The following TENM4 variants were observed in gnomAD, a reference collection of about 807,000 sequenced individuals.
The protein encoded by TENM4 is teneurin transmembrane protein 4.
A neutral mutation model predicts 243.3 loss-of-function variants in TENM4; 82 were observed. That is an observed-to-expected ratio of 0.34 (90% CI 0.28 to 0.40). The LOEUF (loss-of-function observed/expected upper bound fraction) is 0.40. Ranked by LOEUF, TENM4 falls within the 10% of genes least tolerant of loss-of-function variation. The pLI is 1.00. For missense variants in TENM4, 3,138 were observed against 3,673.3 expected, an observed-to-expected ratio of 0.85 and a Z score of 3.77; for synonymous variants, 1,412 against 1,456.3, an observed-to-expected ratio of 0.97 and a Z score of 0.69.
chr11:78,921,544 G>C (rs1397206953), intron 6 of TENM4, among the ~76,000 whole-genome samples: 2 of 152,226 alleles, frequency 1.3e-5, no homozygotes, highest in Non-Finnish European at 2.9e-5. Context: ...TATTTGCCGT[G>C]TATGAGCCTG....
At chr11:78,859,420 G>C (rs1049007105) in intron 10 of TENM4, among the ~76,000 whole-genome samples, 3 of 152,216 alleles carry the variant, frequency 2.0e-5, no homozygotes, top group Non-Finnish European at 2.9e-5. Context: ...ATAGTCCTTT[G>C]CTTTGTAAAG....
intron 20 of TENM4, among the ~76,000 whole-genome samples, chr11:78,733,999 G>A (rs1173227927): frequency 6.6e-6 from 1 of 152,120 alleles, no homozygotes; most frequent in Non-Finnish European, 1.5e-5. Context: ...GACCAGCCTG[G>A]TCAACATGCT....
intron 6 of TENM4, among the ~76,000 whole-genome samples, chr11:79,013,152 G>A (rs1041185341): frequency 1.3e-5 from 2 of 152,176 alleles, no homozygotes; most frequent in African/African-American, 2.4e-5. Flanking sequence ...TTCGGGAAAT[G>A]GCAACATTCA....
At chr11:78,996,805 G>A (rs1187850469) in intron 6 of TENM4, among the ~76,000 whole-genome samples, 1 of 152,226 alleles carries the variant, frequency 6.6e-6, no homozygotes, top group Non-Finnish European at 1.5e-5. Context: ...TTAAGGGTTT[G>A]CAGCTTTGGG....
intron 7 of TENM4, among the ~76,000 whole-genome samples, chr11:78,901,580 T>C (rs900867032): frequency 1.3e-5 from 2 of 152,058 alleles, no homozygotes; most frequent in Non-Finnish European, 2.9e-5. Flanking sequence ...TGATCCTAAG[T>C]GGGAAAGATG....
intron 6 of TENM4, among the ~76,000 whole-genome samples, chr11:78,933,352 G>A (rs1237985460): frequency 6.6e-6 from 1 of 152,152 alleles, no homozygotes; most frequent in Non-Finnish European, 1.5e-5. Context: ...TACAACACAC[G>A]TGAAGGAGTG....
intron 2 of TENM4, among the ~76,000 whole-genome samples, chr11:79,290,994 C>T (rs1033704886): frequency 2.0e-5 from 3 of 152,270 alleles, no homozygotes; most frequent in Non-Finnish European, 2.9e-5. Context: ...TATCTGCCTC[C>T]TGAAGAGACA....
In TENM4 at chr11:79,187,679, C is replaced by T. The variant is rs181448261; in HGVS notation, c.-163+28129G>A. Among the ~76,000 whole-genome samples, 535 of 152,278 alleles carry T rather than the reference C, an allele frequency of 3.5e-3. 4 individuals are homozygous for T. The highest frequency in any genetic ancestry group is 0.012 in the African/African-American group (513 of 41,548). On this transcript the variant is annotated intron_variant, in intron 3 of 33. Transcript: ENST00000278550. ...CTCAGAATCTGATTGTATTTGGAGA[C>T]AGGGCCTTAAAAAAGTTAATTAAGG...
intron 1 of TENM4, among the ~76,000 whole-genome samples, chr11:79,397,208 G>A (rs959287436): frequency 6.6e-6 from 1 of 152,212 alleles, no homozygotes; most frequent in East Asian, 1.9e-4. Flanking sequence ...ATTCATGGTA[G>A]CCCACTATGT....
At chr11:78,743,721 CT>C (rs1855983251) in intron 19 of TENM4, among the ~76,000 whole-genome samples, 1 of 152,106 alleles carries the variant, frequency 6.6e-6, no homozygotes, top group Non-Finnish European at 1.5e-5. Context: ...ATCTGAAAAA[CT>C]TTGAAAAAGA....
chr11:79,054,589 C>G (rs1383786117), intron 6 of TENM4, among the ~76,000 whole-genome samples: 2 of 151,744 alleles, frequency 1.3e-5, no homozygotes, highest in Non-Finnish European at 2.9e-5. Flanking sequence ...GCCTCGATCA[C>G]CCAGGCCCCT....
At chr11:79,364,809 T>C (rs1857648738) in intron 1 of TENM4, among the ~76,000 whole-genome samples, 1 of 152,224 alleles carries the variant, frequency 6.6e-6, no homozygotes, top group Admixed American at 6.5e-5. Context: ...ACTGTACTAA[T>C]TGTCCTACAT....
chr11:78,701,453 C>T (rs57796272), intron 28 of TENM4, 73 bp downstream of exon 28: 18 of 1,459,028 alleles, frequency 1.2e-5, no homozygotes, highest in South Asian at 1.0e-4. Context: ...ATAAAATACT[C>T]GATCAATTTA....
intron 4 of TENM4, among the ~76,000 whole-genome samples, chr11:79,092,186 C>G (rs1184294217): frequency 6.6e-6 from 1 of 152,164 alleles, no homozygotes; most frequent in Admixed American, 6.5e-5. Context: ...ACTGGGGATG[C>G]AGATGGGATT....
At chr11:78,973,252 ATTGT>A (rs1342734676) in intron 6 of TENM4, among the ~76,000 whole-genome samples, 1 of 152,208 alleles carries the variant, frequency 6.6e-6, no homozygotes, top group African/African-American at 2.4e-5. Context: ...GAACTGCCAG[ATTGT>A]CTTCCAAAGT....
intron 6 of TENM4, among the ~76,000 whole-genome samples, chr11:78,910,391 C>T (rs748484558): frequency 7.9e-5 from 12 of 152,184 alleles, no homozygotes; most frequent in Non-Finnish European, 1.2e-4. Context: ...AAAATGCCAT[C>T]GACTACCACT....
chr11:79,218,372 C>A (rs914304637), intron 2 of TENM4, among the ~76,000 whole-genome samples: 10 of 152,060 alleles, frequency 6.6e-5, no homozygotes, highest in Non-Finnish European at 1.5e-4. Context: ...TGTCTGGTGG[C>A]TTTTAGGACA....
intron 4 of TENM4, among the ~76,000 whole-genome samples, chr11:79,105,325 T>C (rs1861339864): frequency 6.6e-6 from 1 of 152,228 alleles, no homozygotes; most frequent in African/African-American, 2.4e-5. Flanking sequence ...GCAAATCCAG[T>C]CTGACACTGG....
chr11:78,998,114 G>T (rs867293451), intron 6 of TENM4, among the ~76,000 whole-genome samples: 5 of 152,196 alleles, frequency 3.3e-5, no homozygotes, highest in Admixed American at 6.5e-5. Context: ...CAAGCCACTA[G>T]TCTATGGTAT....
Sources: allele counts gnomAD v4.1 joint callset (sites outside exome capture counted in the v4.1 genomes callset), GRCh38; gene constraint gnomAD v4.1.1; transcripts MANE v1.5; gene names NCBI Gene and HGNC (gene_info 2026-07-23, HGNC 2026-07-21).